IRF2: variants seen among roughly 807,000 people sequenced by gnomAD.
The protein encoded by IRF2 is interferon regulatory factor 2.
A neutral mutation model predicts 40.6 loss-of-function variants in IRF2; 15 were observed. The ratio of observed to expected loss-of-function variants is 0.37; its 90% confidence interval spans 0.25 to 0.57. The LOEUF is 0.57. Among genes scored for constraint, IRF2 ranks in the 20% least tolerant of loss-of-function variants. The pLI is 0.77. For missense variants in IRF2, 317 were observed against 455.7 expected (o/e 0.70, Z 2.77); for synonymous variants, 151 against 165.5 (o/e 0.91, Z 0.67).
At chr4:184,402,453 C>T (rs945394535) in intron 6 of IRF2, among the ~76,000 whole-genome samples, 1 of 152,184 alleles carries the variant, frequency 6.6e-6, no homozygotes, top group Non-Finnish European at 1.5e-5. Flanking sequence ...CTTCTGACCT[C>T]AAGTTGCTGG....
intron 1 of IRF2, among the ~76,000 whole-genome samples, chr4:184,465,612 CT>C (rs1209260874): frequency 6.6e-6 from 1 of 152,056 alleles, no homozygotes; most frequent in African/African-American, 2.4e-5. Flanking sequence ...ATTTCATATC[CT>C]TTTTTCCCCA....
Position 184,442,044 on chromosome 4 carries a change from G to C in IRF2, c.-6-12974C>G, listed in dbSNP as rs556958033. ...CTGCACTGGGAGCCTGTGTGGAAGGGGACACAGCCAGGGCAGCAAGATCCC... is the reference window on the plus strand; with the variant it reads ...CTGCACTGGGAGCCTGTGTGGAAGGCGACACAGCCAGGGCAGCAAGATCCC... On this transcript the variant is annotated intron_variant, in intron 1 of 8. Coordinates refer to ENST00000393593, the MANE Select transcript of IRF2 (RefSeq NM_002199.4). 8.5e-5 allele frequency among the ~76,000 whole-genome samples: 13 copies of C among 152,202 alleles called. No homozygotes were observed. In the South Asian group the frequency reaches 2.7e-3, roughly 32 times the overall value.
chr4:184,437,205 G>A (rs911567987), intron 1 of IRF2, among the ~76,000 whole-genome samples: 1 of 152,118 alleles, frequency 6.6e-6, no homozygotes, highest in Non-Finnish European at 1.5e-5. Context: ...ACAGGCATGC[G>A]CCACCACGCC....
intron 1 of IRF2, among the ~76,000 whole-genome samples, chr4:184,442,765 T>C (rs1463188463): frequency 6.6e-6 from 1 of 151,712 alleles, no homozygotes; most frequent in Non-Finnish European, 1.5e-5. Context: ...CTCCAAGAAG[T>C]ACAAAAACCC....
At chr4:184,470,091 C>T (rs377205645) in intron 1 of IRF2, among the ~76,000 whole-genome samples, 12 of 152,160 alleles carry the variant, frequency 7.9e-5, no homozygotes, top group African/African-American at 4.8e-5. Context: ...CATCGTGCAC[C>T]GACCACTGAT....
intron 3 of IRF2, 34 bp from the exon 4 acceptor site, chr4:184,418,742 G>C (rs548075592): frequency 6.4e-7 from 1 of 1,562,668 alleles, no homozygotes; most frequent in Non-Finnish European, 8.8e-7. Flanking sequence ...GAAAAAGAGA[G>C]AAAACATTAG....
rs527583228 is a variant in IRF2 at position 184,474,104 on chromosome 4, A to ACCT, written c.-7+272_-7+274dup. On this transcript the variant is annotated intron_variant, in intron 1 of 8. Coordinates refer to ENST00000393593, the MANE Select transcript of IRF2 (RefSeq NM_002199.4). This position sits in a 1 kb window ranked among gnomAD's most constrained non-coding sequence, Gnocchi z 5.6. ...AACCTCCTCCTCCTCCTCCCTCTCTACCTCCTCCTCCTCCTCCTCCTCGCA... is the reference window on the plus strand; with the variant it reads ...AACCTCCTCCTCCTCCTCCCTCTCTACCTCCTCCTCCTCCTCCTCCTCCTCGCA... 6.5e-3 allele frequency: 979 copies of ACCT among 149,858 alleles called. 7 individuals are homozygous for ACCT. The highest frequency in any genetic ancestry group is 0.022 in the African/African-American group (864 of 40,118). 9.3% of individuals were successfully genotyped at this position (149,858 alleles called of 1,614,324 possible).
intron 1 of IRF2, among the ~76,000 whole-genome samples, chr4:184,445,426 G>A (rs1738469563): frequency 1.3e-5 from 2 of 150,874 alleles, no homozygotes; most frequent in African/African-American, 4.9e-5. Context: ...GGCCAAGGCA[G>A]GCGGATTACG....
chr4:184,407,310 G>GT, intron 6 of IRF2: 1 of 1,212,260 alleles, frequency 8.2e-7, no homozygotes, highest in Middle Eastern at 2.2e-4. Flanking sequence ...ATAAAAAGGA[G>GT]TTTTTTCTTC....
chr4:184,409,630 C>T (rs1203235059), intron 5 of IRF2, among the ~76,000 whole-genome samples: 1 of 152,180 alleles, frequency 6.6e-6, no homozygotes, highest in Non-Finnish European at 1.5e-5. Flanking sequence ...CACGGTGGCT[C>T]ACCCTGGAAT....
intron 7 of IRF2, among the ~76,000 whole-genome samples, chr4:184,392,358 A>G (rs1290263983): frequency 1.3e-5 from 2 of 152,262 alleles, no homozygotes; most frequent in Admixed American, 6.5e-5. Flanking sequence ...TAGGTGACGT[A>G]TATTTCACAA....
chr4:184,399,064 T>A lies in IRF2; in HGVS notation c.545A>T (p.His182Leu). ...TTGATTCTCAATGTTGCTGTCCAGA[T>A]GGGACTGTCCTACAACTTCAAAGAA... The part of the protein sequence containing the change: ...TVNIIVVGQS[H>L]LDSNIENQEI... The change falls in exon 7 of 9, where the codon CAT becomes CTT. Residue 182 changes from histidine to leucine, a missense_variant. His to Leu is a moderately conservative substitution (Grantham distance 99). Coordinates refer to ENST00000393593, the MANE Select transcript of IRF2 (RefSeq NM_002199.4). 1 of 1,607,434 alleles carries A rather than the reference T, an allele frequency of 6.2e-7. No homozygotes were observed. The highest frequency in any genetic ancestry group is 8.5e-7 in the Non-Finnish European group (1 of 1,176,820).
chr4:184,456,362 A>G (rs540151534), intron 1 of IRF2, among the ~76,000 whole-genome samples: 1 of 152,234 alleles, frequency 6.6e-6, no homozygotes, highest in Non-Finnish European at 1.5e-5. Flanking sequence ...GGAAGGGAAG[A>G]AAGAACATTC....
chr4:184,400,340 T>C (rs1304114307), intron 6 of IRF2, among the ~76,000 whole-genome samples: 1 of 152,228 alleles, frequency 6.6e-6, no homozygotes, highest in African/African-American at 2.4e-5. Flanking sequence ...GCTGGCTTTT[T>C]TTTTACTCAG....
chr4:184,447,105 T>C (rs1330209935), intron 1 of IRF2, among the ~76,000 whole-genome samples: 1 of 151,954 alleles, frequency 6.6e-6, no homozygotes, highest in Non-Finnish European at 1.5e-5. Context: ...CCAAACACCA[T>C]CCTCCACCAA....
chr4:184,406,505 G>A (rs1736862256), intron 6 of IRF2, among the ~76,000 whole-genome samples: 1 of 152,156 alleles, frequency 6.6e-6, no homozygotes, highest in Admixed American at 6.5e-5. Context: ...TGGGATTACA[G>A]GCATGAGCCA....
chr4:184,468,604 G>A (rs762834280), intron 1 of IRF2, among the ~76,000 whole-genome samples: 15 of 152,196 alleles, frequency 9.9e-5, no homozygotes, highest in African/African-American at 2.2e-4. Flanking sequence ...GCCCCTGTCC[G>A]AAGTGCTTTT....
intron 6 of IRF2, among the ~76,000 whole-genome samples, chr4:184,400,649 G>A (rs923114345): frequency 1.3e-5 from 2 of 152,114 alleles, no homozygotes; most frequent in African/African-American, 2.4e-5. Context: ...ACTGCTTCCC[G>A]GAGTGACCGT....
intron 1 of IRF2, among the ~76,000 whole-genome samples, chr4:184,455,680 T>TATAC (rs1738898123): frequency 6.6e-6 from 1 of 152,128 alleles, no homozygotes; most frequent in African/African-American, 2.4e-5. Context: ...TGATATTAAC[T>TATAC]ATACGTTGTG....
Sources: gnomAD v4.1 joint callset for allele counts (sites outside exome capture counted in the v4.1 genomes callset) on GRCh38, gnomAD v4.1.1 for gene constraint, Gnocchi (gnomAD v3.1) non-coding constraint, MANE v1.5 for transcripts, NCBI Gene and HGNC (gene_info 2026-07-23, HGNC 2026-07-21) for gene names.